Variants in SBNO2 observed in about 807,000 individuals in gnomAD.
SBNO2 encodes protein strawberry notch homolog 2.
A neutral mutation model predicts 146.3 loss-of-function variants in SBNO2; 89 were observed. That is an observed-to-expected ratio of 0.61 (90% CI 0.51 to 0.73). The LOEUF is 0.73. Among genes scored for constraint, SBNO2 ranks in the 30% least tolerant of loss-of-function variants. SBNO2 has a pLI of 0.00. For missense variants in SBNO2, 2,092 were observed against 2,003.7 expected (o/e 1.04, Z -0.84); for synonymous variants, 1,147 against 892.6 (o/e 1.29, Z -5.08).
chr19:1,144,520 A>G lies in SBNO2; in HGVS notation c.279+2789T>C, dbSNP rs971362395. Among the ~76,000 whole-genome samples, 2 of 152,204 alleles carry G rather than the reference A, an allele frequency of 1.3e-5. No individual in the cohort carries two copies. Among genetic ancestry groups the G allele is most frequent in the Non-Finnish European group, 2.9e-5 (2 of 68,034 alleles). The stretch of plus-strand genomic sequence containing the variant: ...GGAGGAGCAGGAGAATTCATGAGAC[A>G]GAGATGGAGACGGAGACAGAGACAG... On this transcript the variant is annotated intron_variant, in intron 4 of 31. Transcript: ENST00000361757. This position sits in a 1 kb window ranked among gnomAD's most constrained non-coding sequence, Gnocchi z 4.1.
In SBNO2 at chr19:1,109,478, C is replaced by T; in HGVS notation, c.3216+28G>A. On this transcript the variant is annotated intron_variant, in intron 28 of 31. Coordinates refer to ENST00000361757, the MANE Select transcript of SBNO2 (RefSeq NM_014963.3). The surrounding 1 kb of genome is among the most constrained non-coding windows in gnomAD (Gnocchi z 4.2). The stretch of plus-strand genomic sequence containing the variant: ...CGGTCCGCCCCCCGCGGGCCCTCCT[C>T]TGGGGGGGTAACCCCGCCCGACCCC... 2 of 1,577,540 alleles carry T rather than the reference C, an allele frequency of 1.3e-6. No homozygotes were observed. The highest frequency in any genetic ancestry group is 1.2e-5 in the South Asian group (1 of 86,418).
At position 1,127,620 on chromosome 19, in the gene SBNO2, G is replaced by A; in HGVS notation, c.425C>T (p.Pro142Leu). 2 of 1,613,054 alleles carry A rather than the reference G, an allele frequency of 1.2e-6. No homozygotes were observed. Among genetic ancestry groups the A allele is most frequent in the Non-Finnish European group, 1.7e-6 (2 of 1,179,858 alleles). Residue 142 changes from proline (P) to leucine (L), a missense_variant, in exon 5 of 32, where the codon CCC (proline) becomes CTC (leucine). Physicochemically the swap from Pro to Leu is moderately conservative, Grantham distance 98. Coordinates refer to ENST00000361757, the MANE Select transcript of SBNO2 (RefSeq NM_014963.3). ...CGCACTGACCTTATCGTGGGTGGAG[G>A]GGGCAGGGTTATCGTCCCAGATGGT... ...VSTIWDDNPA[P>L]STHDKLFQLS...
chr19:1,163,655 C>T (rs963066162), intron 1 of SBNO2, among the ~76,000 whole-genome samples: 2 of 152,216 alleles, frequency 1.3e-5, no homozygotes, highest in Admixed American at 1.3e-4. Flanking sequence ...GCAGAGGCCA[C>T]CGCTCCCGAG....
chr19:1,131,956 T>A (rs746725085), intron 4 of SBNO2: 15 of 551,188 alleles, frequency 2.7e-5, no homozygotes, highest in Admixed American at 4.2e-5. Flanking sequence ...GGGATTTTTT[T>A]AGATCCTGGC....
Position 1,109,379 on chromosome 19 carries a change from G to A in SBNO2, c.3261C>T (p.Arg1087=). 6.3e-7 allele frequency: 1 copy of A among 1,575,870 alleles called. No individual in the cohort carries two copies. The highest frequency in any genetic ancestry group is 8.6e-7 in the Non-Finnish European group (1 of 1,161,838). The change falls in exon 29 of 32, where the codon CGC becomes CGT. Residue 1087 remains arginine (R), a synonymous_variant. Coordinates refer to ENST00000361757, the MANE Select transcript of SBNO2 (RefSeq NM_014963.3). This position sits in a 1 kb window ranked among gnomAD's most constrained non-coding sequence, Gnocchi z 4.2. ...KPSCLLAEQN[R]GQFFTVYKPN... is the part of the protein sequence containing the mutation. ...GCTTGTACACCGTGAAGAACTGGCC[G>A]CGGTTCTGCTCCGCCAGCAGGCAGC...
chr19:1,170,495 G>A (rs1014393186), intron 1 of SBNO2, among the ~76,000 whole-genome samples: 2 of 152,126 alleles, frequency 1.3e-5, no homozygotes, highest in Non-Finnish European at 2.9e-5. Context: ...GGGTGACCTC[G>A]CTTTTAGGCT....
chr19:1,122,606 C>CCCCCT, intron 9 of SBNO2, 48 bp from the exon 10 acceptor site: 1 of 1,460,402 alleles, frequency 6.8e-7, no homozygotes, highest in Non-Finnish European at 9.1e-7. Context: ...CCTCGCCCCC[C>CCCCCT]GCTTCCGCCC....
At chr19:1,117,548 C>CGACCCGG in intron 14 of SBNO2, 49 bp from the exon 15 acceptor site, 1 of 1,506,866 alleles carries the variant, frequency 6.6e-7, no homozygotes, top group Non-Finnish European at 8.9e-7. Context: ...TCCTGGCTCC[C>CGACCCGG]GACCCGGGCC....
intron 17 of SBNO2, 121 bp from the exon 18 acceptor site, chr19:1,114,543 C>T: frequency 1.2e-6 from 1 of 807,220 alleles, no homozygotes; most frequent in Non-Finnish European, 1.8e-6. Context: ...ATCCGAGAAC[C>T]CCCTGCCTCT....
At chr19:1,118,348 A>G (rs532694827) in intron 14 of SBNO2, among the ~76,000 whole-genome samples, 1 of 150,514 alleles carries the variant, frequency 6.6e-6, no homozygotes, top group Admixed American at 6.6e-5. Context: ...TCAAAAAATA[A>G]AAAAAAAAAA....
chr19:1,131,589 G>A (rs1033915643), intron 4 of SBNO2, among the ~76,000 whole-genome samples: 1 of 152,172 alleles, frequency 6.6e-6, no homozygotes, highest in Non-Finnish European at 1.5e-5. Flanking sequence ...AGAGCCACAG[G>A]GATTTGCCGG....
chr19:1,108,855 G>A lies in SBNO2; in HGVS notation c.3540C>T (p.Ala1180=), dbSNP rs201177605. The change falls in exon 31 of 32, where the codon GCC becomes GCT. Residue 1180 remains alanine, a synonymous_variant. Transcript: ENST00000361757. ...ALLRVWGRIA[A]VMADVSSSSY... ...TGCTGCTGCTGACGTCGGCCATGAC[G>A]GCGGCGATGCGGCCCCACACGCGCA... is the stretch of plus-strand genomic sequence containing the variant. 9.4e-4 allele frequency: 1,505 copies of A among 1,597,090 alleles called. 13 individuals are homozygous for A. The African/African-American group carries it at 0.018, about 19-fold the overall frequency.
chr19:1,108,934 T>C lies in SBNO2; in HGVS notation c.3461A>G (p.Asp1154Gly), dbSNP rs1322822603. The C allele has an allele frequency of 5.8e-6, 9 of 1,564,750 alleles. No homozygotes were observed. Among genetic ancestry groups the C allele is most frequent in the Non-Finnish European group, 7.7e-6 (9 of 1,162,760 alleles). Residue 1154 changes from aspartate to glycine, a missense_variant, in exon 31 of 32, where the codon GAC becomes GGC. Physicochemically the swap from Asp to Gly is moderately conservative, Grantham distance 94. Coordinates refer to ENST00000361757, the MANE Select transcript of SBNO2 (RefSeq NM_014963.3). Reference protein sequence around the residue: ...RHCRLAQEGKDCLQGLRLRHH... With the variant: ...RHCRLAQEGKGCLQGLRLRHH... Reference sequence around the variant, plus strand: ...CCGCAGCCGCAGCCCCTGCAGGCAGTCCTTACCCTCCTGCGCCAGCCGGCA... The same window carrying C: ...CCGCAGCCGCAGCCCCTGCAGGCAGCCCTTACCCTCCTGCGCCAGCCGGCA...
intron 1 of SBNO2, among the ~76,000 whole-genome samples, chr19:1,154,810 G>A (rs1284380187): frequency 6.6e-6 from 1 of 152,196 alleles, no homozygotes; most frequent in African/African-American, 2.4e-5. Context: ...GGCACCCAGG[G>A]GAGCCCAGGG....
chr19:1,142,165 A>G, intron 4 of SBNO2, among the ~76,000 whole-genome samples: 3 of 135,772 alleles, frequency 2.2e-5, no homozygotes, highest in African/African-American at 5.8e-5. Context: ...ATCCTCACTC[A>G]ATGACCTCCC....
Position 1,108,604 on chromosome 19 carries a change from G to C in SBNO2, c.3717C>G (p.Pro1239=), listed in dbSNP as rs938903485. 1 of 1,371,010 alleles carries C rather than the reference G, an allele frequency of 7.3e-7. No homozygotes were observed. The highest frequency in any genetic ancestry group is 9.3e-7 in the Non-Finnish European group (1 of 1,071,848). 84.9% of individuals were successfully genotyped at this position (1,371,010 alleles called of 1,614,324 possible). A position where few individuals can be genotyped will look rare whatever the true frequency, so the allele number is the denominator to read the frequency against. The change falls in exon 32 of 32, where the codon CCC becomes CCG. Residue 1239 remains proline, a synonymous_variant. Coordinates refer to ENST00000361757, the MANE Select transcript of SBNO2 (RefSeq NM_014963.3). ...KRRQAPALGC[P]APPAPRPLAL... ...CCAGCGGGCGCGGGGCGGGCGGGGC[G>C]GGGCAGCCCAGGGCGGGCGCCTGCC...
intron 2 of SBNO2, among the ~76,000 whole-genome samples, chr19:1,152,216 G>A (rs758900853): frequency 7.2e-5 from 11 of 152,296 alleles, no homozygotes; most frequent in East Asian, 1.9e-4. Flanking sequence ...CGCATTCCCC[G>A]ACTGTCACTG....
chr19:1,117,211 G>T (rs1161223873), intron 15 of SBNO2, 112 bp downstream of exon 15: 2 of 1,124,812 alleles, frequency 1.8e-6, no homozygotes, highest in Non-Finnish European at 2.5e-6. Flanking sequence ...CACCCACCAG[G>T]GTGCAGCCCC....
chr19:1,132,057 A>G lies in SBNO2; in HGVS notation c.280-4292T>C, dbSNP rs1281084984. 2.7e-6 allele frequency: 4 copies of G among 1,491,380 alleles called. No homozygotes were observed. The South Asian group carries it at 5.0e-5, about 19-fold the overall frequency. 92.4% of individuals were successfully genotyped at this position (1,491,380 alleles called of 1,614,324 possible). A position where few individuals can be genotyped will look rare whatever the true frequency, so the allele number is the denominator to read the frequency against. ...CCCACCTCCCAGACCCCTGCCCCCG[A>G]GGGCCTCGCCCGCCCCGGGAAGGGA... On this transcript the variant is annotated intron_variant, in intron 4 of 31. Coordinates refer to ENST00000361757, the MANE Select transcript of SBNO2 (RefSeq NM_014963.3).
Sources: gnomAD v4.1 joint callset for allele counts (sites outside exome capture counted in the v4.1 genomes callset) on GRCh38, gnomAD v4.1.1 for gene constraint, Gnocchi (gnomAD v3.1) non-coding constraint, MANE v1.5 for transcripts, NCBI Gene and HGNC (gene_info 2026-07-23, HGNC 2026-07-21) for gene names.